The following TGFBR3 variants were observed in gnomAD, a reference collection of about 807,000 sequenced individuals.
TGFBR3 encodes the protein transforming growth factor beta receptor type 3.
In TGFBR3, 46 loss-of-function variants were observed where a neutral mutation model predicts 87.9. The observed-to-expected ratio is 0.52, with a 90% CI of 0.41 to 0.67. TGFBR3 has a LOEUF of 0.67. Ranked by LOEUF, TGFBR3 falls within the 30% of genes least tolerant of loss-of-function variation. The probability of loss-of-function intolerance (pLI) is 0.00; values close to 1 mark genes in which losing one functional copy is unlikely to be tolerated. For missense variants in TGFBR3, 866 were observed against 1,041.9 expected (o/e 0.83, Z 2.32); for synonymous variants, 381 against 391.6 (o/e 0.97, Z 0.32).
chr1:91,708,373 A>T (rs1222210353), intron 14 of TGFBR3, among the ~76,000 whole-genome samples: 1 of 152,182 alleles, frequency 6.6e-6, no homozygotes, highest in Non-Finnish European at 1.5e-5. Context: ...TGCATACTCA[A>T]GGAAGCATAT....
chr1:91,867,234 G>A (rs899295899), intron 1 of TGFBR3, among the ~76,000 whole-genome samples: 43 of 152,216 alleles, frequency 2.8e-4, no homozygotes, highest in African/African-American at 9.4e-4. Flanking sequence ...GCTGCCAGTG[G>A]CAGGAAAAGA....
intron 2 of TGFBR3, among the ~76,000 whole-genome samples, chr1:91,832,091 A>G (rs1432042915): frequency 6.6e-6 from 1 of 152,218 alleles, no homozygotes; most frequent in African/African-American, 2.4e-5. Flanking sequence ...TAAAAATTCA[A>G]CAAAGTTAAA....
At chr1:91,787,087 G>A (rs541089178) in intron 3 of TGFBR3, among the ~76,000 whole-genome samples, 1 of 152,188 alleles carries the variant, frequency 6.6e-6, no homozygotes, top group African/African-American at 2.4e-5. Flanking sequence ...CAGATCACGA[G>A]GTCAAGAGAT....
intron 2 of TGFBR3, among the ~76,000 whole-genome samples, chr1:91,832,280 G>C (rs1055350971): frequency 1.3e-5 from 2 of 152,194 alleles, no homozygotes; most frequent in African/African-American, 4.8e-5. Context: ...GGCCCTAAAT[G>C]AGAGAGAGCT....
At chr1:91,901,776 G>A (rs1377258650) in intron 1 of TGFBR3, among the ~76,000 whole-genome samples, 1 of 151,248 alleles carries the variant, frequency 6.6e-6, no homozygotes, top group Non-Finnish European at 1.5e-5. Flanking sequence ...AGCCAGACAT[G>A]GTAGCATATA....
chr1:91,703,246 A>G (rs1671683766), intron 14 of TGFBR3, among the ~76,000 whole-genome samples: 1 of 152,088 alleles, frequency 6.6e-6, no homozygotes, highest in African/African-American at 2.4e-5. Flanking sequence ...TTATTCTGGA[A>G]AGATCAAATG....
At chr1:91,894,430 T>C (rs1323640545) in intron 2 of TGFBR3, among the ~76,000 whole-genome samples, 1 of 152,210 alleles carries the variant, frequency 6.6e-6, no homozygotes, top group African/African-American at 2.4e-5. Context: ...CCCTTTGCAC[T>C]AACTCCTCAA....
intron 2 of TGFBR3, among the ~76,000 whole-genome samples, chr1:91,809,410 C>G (rs1415778579): frequency 6.6e-6 from 1 of 152,138 alleles, no homozygotes; most frequent in African/African-American, 2.4e-5. Flanking sequence ...GGTGCAGAGT[C>G]TGAAGCAGAG....
chr1:91,691,969 G>T (rs1671280384), intron 16 of TGFBR3, among the ~76,000 whole-genome samples: 1 of 152,152 alleles, frequency 6.6e-6, no homozygotes, highest in Admixed American at 6.5e-5. Context: ...TTGCACTCCA[G>T]CCCGGGTGAC....
At chr1:91,879,862 A>G (rs938980510) in intron 1 of TGFBR3, among the ~76,000 whole-genome samples, 1 of 152,198 alleles carries the variant, frequency 6.6e-6, no homozygotes, top group African/African-American at 2.4e-5. Context: ...ATATTTCTAT[A>G]TTTCCTGGAC....
At chr1:91,735,081 C>T in intron 4 of TGFBR3, 122 bp from the exon 5 acceptor site, 1 of 1,151,070 alleles carries the variant, frequency 8.7e-7, no homozygotes, top group Admixed American at 1.8e-5. Context: ...GTTATACAAG[C>T]AGATCAGCGT....
chr1:91,745,355 C>T (rs1673305513), intron 4 of TGFBR3, among the ~76,000 whole-genome samples: 1 of 152,156 alleles, frequency 6.6e-6, no homozygotes, highest in Non-Finnish European at 1.5e-5. Context: ...CAAAGAAAAA[C>T]ACACTGATAT....
At chr1:91,806,170 T>A (rs1308260547) in intron 2 of TGFBR3, among the ~76,000 whole-genome samples, 1 of 152,244 alleles carries the variant, frequency 6.6e-6, no homozygotes, top group Non-Finnish European at 1.5e-5. Flanking sequence ...TGCTTGCTTA[T>A]CTGGACACAT....
At chr1:91,837,983 T>A (rs778761111) in intron 2 of TGFBR3, among the ~76,000 whole-genome samples, 1 of 152,176 alleles carries the variant, frequency 6.6e-6, no homozygotes, top group Non-Finnish European at 1.5e-5. Context: ...CTGACAATGA[T>A]AGTGATTTGA....
At chr1:91,716,790 G>A in intron 10 of TGFBR3, 82 bp from the exon 11 acceptor site, 2 of 1,525,586 alleles carry the variant, frequency 1.3e-6, no homozygotes, top group South Asian at 2.2e-5. Context: ...AAACACTCAT[G>A]TAATCATTCT....
chr1:91,859,988 A>ACTCTC (rs1037645630), intron 2 of TGFBR3, among the ~76,000 whole-genome samples: 1 of 151,572 alleles, frequency 6.6e-6, no homozygotes, highest in African/African-American at 2.4e-5. Context: ...CTGCCAGCTG[A>ACTCTC]CTCTCGCTTA....
chr1:91,731,697 C>T (rs1321889233), intron 5 of TGFBR3, among the ~76,000 whole-genome samples: 1 of 152,184 alleles, frequency 6.6e-6, no homozygotes, highest in Non-Finnish European at 1.5e-5. Context: ...CTAGGGCCCT[C>T]CTGGGATTGT....
intron 3 of TGFBR3, among the ~76,000 whole-genome samples, chr1:91,786,738 A>G (rs1043207082): frequency 1.3e-5 from 2 of 150,556 alleles, no homozygotes; most frequent in African/African-American, 4.9e-5. Context: ...GTGACAGAGC[A>G]AGACTGTGTC....
intron 3 of TGFBR3, among the ~76,000 whole-genome samples, chr1:91,768,905 A>G (rs1186940199): frequency 2.0e-5 from 3 of 152,170 alleles, no homozygotes; most frequent in Non-Finnish European, 4.4e-5. Context: ...CTCTTCCAAG[A>G]TCTACATTTT....
Sources: allele counts gnomAD v4.1 joint callset (sites outside exome capture counted in the v4.1 genomes callset), GRCh38; gene constraint gnomAD v4.1.1; transcripts MANE v1.5; gene names NCBI Gene and HGNC (gene_info 2026-07-23, HGNC 2026-07-21).